BCL2L13: variants seen among roughly 807,000 people sequenced by gnomAD.
BCL2L13 encodes the protein BCL2 like 13, also known as bcl-2-like protein 13.
In BCL2L13, 13 loss-of-function variants were observed where a neutral mutation model predicts 25.8. The ratio of observed to expected loss-of-function variants is 0.50; its 90% CI spans 0.33 to 0.80. The LOEUF (loss-of-function observed/expected upper bound fraction) is 0.80, where lower values mean the gene tolerates loss of function less well. Ranked by LOEUF, BCL2L13 falls within the 30% of genes least tolerant of loss-of-function variation. The probability of loss-of-function intolerance (pLI) is 0.02; values close to 1 mark genes in which losing one functional copy is unlikely to be tolerated. For synonymous variants in BCL2L13, 244 were observed against 230.3 expected (o/e 1.06, Z -0.54); for missense variants, 504 against 574.9 (o/e 0.88, Z 1.26).
intron 6 of BCL2L13, among the ~76,000 whole-genome samples, chr22:17,725,497 TCTCTGAC>T (rs1341479016): frequency 6.6e-6 from 1 of 152,242 alleles, no homozygotes; most frequent in Admixed American, 6.5e-5. Context: ...CTCCCTGCTT[TCTCTGAC>T]CTCTACCCAA....
chr22:17,704,579 C>G (rs1196053704), intron 6 of BCL2L13, among the ~76,000 whole-genome samples: 1 of 151,740 alleles, frequency 6.6e-6, no homozygotes, highest in Admixed American at 6.6e-5. Context: ...AGTTTGAGAC[C>G]ATCCTGGCCA....
upstream of BCL2L13, chr22:17,638,598 G>C: frequency 3.8e-6 from 4 of 1,044,496 alleles, no homozygotes; most frequent in South Asian, 1.5e-4. Context: ...TCAGATTTGG[G>C]CGGGCTAGGA....
chr22:17,682,564 A>G (rs2059786977), intron 2 of BCL2L13, among the ~76,000 whole-genome samples: 1 of 152,194 alleles, frequency 6.6e-6, no homozygotes, highest in Non-Finnish European at 1.5e-5. Context: ...TAAAAAGGAT[A>G]CATTGTCTAC....
chr22:17,633,449 A>C (rs1034703260), intron 1 of BCL2L13, among the ~76,000 whole-genome samples: 5 of 152,198 alleles, frequency 3.3e-5, no homozygotes, highest in African/African-American at 4.8e-5. Context: ...GAGACACTTT[A>C]AAACATATTT....
chr22:17,669,193 C>T (rs920958674), intron 2 of BCL2L13, among the ~76,000 whole-genome samples: 13 of 151,706 alleles, frequency 8.6e-5, no homozygotes, highest in Admixed American at 2.6e-4. Context: ...CCACCACACC[C>T]GGCTAGTTTT....
At chr22:17,712,280 C>G (rs993863369) in intron 6 of BCL2L13, among the ~76,000 whole-genome samples, 1 of 152,068 alleles carries the variant, frequency 6.6e-6, no homozygotes, top group Admixed American at 6.6e-5. Context: ...TTGATAGTTT[C>G]AATAATGAAA....
chr22:17,650,652 A>G (rs1322144801), intron 1 of BCL2L13, among the ~76,000 whole-genome samples: 1 of 152,102 alleles, frequency 6.6e-6, no homozygotes, highest in Admixed American at 6.6e-5. Context: ...TCTTTTACAA[A>G]CTATAGTCCC....
At chr22:17,695,014 A>C (rs2060220834) in intron 4 of BCL2L13, among the ~76,000 whole-genome samples, 2 of 152,198 alleles carry the variant, frequency 1.3e-5, no homozygotes, top group Admixed American at 1.3e-4. Context: ...CTTTGGCGTC[A>C]TGCAAATCTG....
chr22:17,662,259 A>G (rs913068541), intron 2 of BCL2L13, among the ~76,000 whole-genome samples: 1 of 152,186 alleles, frequency 6.6e-6, no homozygotes, highest in Non-Finnish European at 1.5e-5. Context: ...CGGGCGGATC[A>G]CGAGGTCAGG....
At chr22:17,638,607 G>A, upstream of BCL2L13, 2 of 1,112,932 alleles carry the variant, frequency 1.8e-6, no homozygotes, top group Non-Finnish European at 2.3e-6. Context: ...GGCGGGCTAG[G>A]AGGGTTTGGG....
intron 6 of BCL2L13, among the ~76,000 whole-genome samples, chr22:17,705,204 C>G (rs2060555099): frequency 6.6e-6 from 1 of 151,492 alleles, no homozygotes; most frequent in East Asian, 2.0e-4. Context: ...ACCAGGGAGG[C>G]AGAAGTTTCA....
intron 1 of BCL2L13, among the ~76,000 whole-genome samples, chr22:17,651,107 C>G (rs967960431): frequency 6.9e-6 from 1 of 145,636 alleles, no homozygotes; most frequent in Non-Finnish European, 1.5e-5. Flanking sequence ...TCAAGCAATT[C>G]TCCTGCCTCA....
intron 1 of BCL2L13, among the ~76,000 whole-genome samples, chr22:17,645,575 G>A (rs2058445320): frequency 6.6e-6 from 1 of 151,522 alleles, no homozygotes; most frequent in Admixed American, 6.6e-5. Flanking sequence ...TTCATAAAAT[G>A]TGTCTAATTC....
At chr22:17,666,271 A>C (rs2587104) in intron 2 of BCL2L13, among the ~76,000 whole-genome samples, 21,159 of 151,850 alleles carry the variant, frequency 0.14, 2,022 homozygotes, top group Non-Finnish European at 0.21. Flanking sequence ...GGGGTACATA[A>C]GATGTTTTAA....
At chr22:17,681,050 G>A (rs1394301604) in intron 2 of BCL2L13, among the ~76,000 whole-genome samples, 1 of 152,086 alleles carries the variant, frequency 6.6e-6, no homozygotes, top group Non-Finnish European at 1.5e-5. Context: ...GCGATTACTC[G>A]TCTTGATCTG....
chr22:17,654,418 T>C (rs747896762), intron 1 of BCL2L13, among the ~76,000 whole-genome samples: 1 of 150,228 alleles, frequency 6.7e-6, no homozygotes, highest in Non-Finnish European at 1.5e-5. Context: ...TCTTCTCTCT[T>C]TTTTTTTCTT....
At chr22:17,666,340 C>T (rs2059234157) in intron 2 of BCL2L13, among the ~76,000 whole-genome samples, 1 of 152,046 alleles carries the variant, frequency 6.6e-6, no homozygotes, top group African/African-American at 2.4e-5. Flanking sequence ...GTCCCCTCAA[C>T]ATTTATCCTT....
At chr22:17,629,197 C>T (rs1359759092) in intron 1 of BCL2L13, among the ~76,000 whole-genome samples, 1 of 151,556 alleles carries the variant, frequency 6.6e-6, no homozygotes, top group Middle Eastern at 3.4e-3. Flanking sequence ...AACCCCGTCT[C>T]TACCAAAAGA....
intron 6 of BCL2L13, among the ~76,000 whole-genome samples, chr22:17,706,073 G>T (rs909307749): frequency 2.0e-5 from 3 of 152,172 alleles, no homozygotes; most frequent in Admixed American, 2.0e-4. Context: ...GAGTACAGTG[G>T]CATGATCATG....
Sources: gnomAD v4.1 joint callset for allele counts (sites outside exome capture counted in the v4.1 genomes callset) on GRCh38, gnomAD v4.1.1 for gene constraint, MANE v1.5 for transcripts, NCBI Gene and HGNC (gene_info 2026-07-23, HGNC 2026-07-21) for gene names.